The following DGKD variants were observed in gnomAD, a reference collection of about 807,000 sequenced individuals.
DGKD encodes DAG kinase delta.
DGKD carries 68 observed loss-of-function variants against 154.4 expected under a neutral mutation model. That is an observed-to-expected ratio of 0.44 (90% confidence interval 0.36 to 0.54). DGKD has a LOEUF of 0.54. Among genes scored for constraint, DGKD ranks in the 20% least tolerant of loss-of-function variants. The probability of loss-of-function intolerance (pLI) is 0.00; values close to 1 mark genes in which losing one functional copy is unlikely to be tolerated. For missense variants in DGKD, 1,343 were observed against 1,593.6 expected (o/e 0.84, Z 2.68); for synonymous variants, 693 against 638.0 (o/e 1.09, Z -1.30).
intron 28 of DGKD, 135 bp from the exon 29 acceptor site, chr2:233,468,287 TG>T: frequency 9.6e-7 from 1 of 1,044,086 alleles, no homozygotes; most frequent in Non-Finnish European, 1.4e-6. Context: ...TGGCTGCTGC[TG>T]GGCTGTCTCG....
chr2:233,394,227 T>G (rs1316779713), intron 3 of DGKD, among the ~76,000 whole-genome samples: 1 of 152,224 alleles, frequency 6.6e-6, no homozygotes, highest in Non-Finnish European at 1.5e-5. Flanking sequence ...TTAATAAAGA[T>G]TAATAAAGTA....
chr2:233,408,714 T>C (rs150936408), intron 3 of DGKD, among the ~76,000 whole-genome samples: 1 of 152,024 alleles, frequency 6.6e-6, no homozygotes, highest in East Asian at 1.9e-4. Flanking sequence ...CCGGGCAGAG[T>C]AGGTGCTCAG....
intron 26 of DGKD, among the ~76,000 whole-genome samples, chr2:233,462,936 C>T (rs943777998): frequency 2.0e-5 from 3 of 152,210 alleles, no homozygotes; most frequent in African/African-American, 4.8e-5. Flanking sequence ...CTCAAGCATG[C>T]GAGAAGCGCT....
intron 1 of DGKD, among the ~76,000 whole-genome samples, chr2:233,369,559 G>C (rs555854426): frequency 1.3e-5 from 2 of 152,184 alleles, no homozygotes; most frequent in South Asian, 4.1e-4. Context: ...GTTTGTGCAT[G>C]TACTTTATGG....
At chr2:233,407,929 G>A (rs527575187) in intron 3 of DGKD, among the ~76,000 whole-genome samples, 19 of 152,212 alleles carry the variant, frequency 1.2e-4, no homozygotes, top group African/African-American at 3.6e-4. Context: ...GTGAGGAACC[G>A]TGATCTTTAT....
chr2:233,457,089 G>A lies in DGKD; in HGVS notation c.2472+94G>A. ...TTCTCCTGTTGACCATTTCCTCCAT[G>A]CACAGGGACTTGCCTGGGGATGCCC... is the stretch of plus-strand genomic sequence containing the variant. On this transcript the variant is annotated intron_variant, in intron 20 of 29. Transcript: ENST00000264057. The surrounding 1 kb of genome is among the most constrained non-coding windows in gnomAD (Gnocchi z 5.5). The A allele has an allele frequency of 7.5e-7, 1 of 1,338,650 alleles. No individual in the cohort carries two copies. The allele number at this position is 1,338,650 out of a possible 1,614,324, so 82.9% of individuals were successfully genotyped here.
At chr2:233,429,901 AT>A (rs1386665939) in intron 3 of DGKD, among the ~76,000 whole-genome samples, 1 of 152,198 alleles carries the variant, frequency 6.6e-6, no homozygotes, top group East Asian at 1.9e-4. Context: ...ACCCAGTTCC[AT>A]TTATCCCCTC....
At chr2:233,383,107 C>T (rs1251405417) in intron 1 of DGKD, among the ~76,000 whole-genome samples, 1 of 149,396 alleles carries the variant, frequency 6.7e-6, no homozygotes, top group Middle Eastern at 3.2e-3. Context: ...GTGGCATGAT[C>T]TCGGCCCACT....
At chr2:233,420,084 T>G (rs2062065484) in intron 3 of DGKD, among the ~76,000 whole-genome samples, 1 of 152,108 alleles carries the variant, frequency 6.6e-6, no homozygotes, top group Admixed American at 6.5e-5. Context: ...ATGAGACGCG[T>G]GGCAGTCGGC....
chr2:233,359,039 GTCAGTAACTGTTATTATC>G (rs1168896542), intron 1 of DGKD, among the ~76,000 whole-genome samples: 1 of 152,168 alleles, frequency 6.6e-6, no homozygotes, highest in Non-Finnish European at 1.5e-5. Flanking sequence ...CCACATCCTT[GTCAGTAACTGTTATTATC>G]TCTCTTTTGA....
intron 1 of DGKD, among the ~76,000 whole-genome samples, chr2:233,384,192 C>T (rs1703046620): frequency 6.6e-6 from 1 of 152,206 alleles, no homozygotes; most frequent in Non-Finnish European, 1.5e-5. Context: ...CATGTCCGCT[C>T]TGGCAGGTCC....
intron 3 of DGKD, among the ~76,000 whole-genome samples, chr2:233,423,279 G>C (rs367831742): frequency 2.6e-5 from 4 of 152,174 alleles, no homozygotes; most frequent in African/African-American, 9.7e-5. Context: ...GCTGAAGAGT[G>C]TAATTGCTGG....
At chr2:233,423,181 A>C (rs2125552179) in intron 3 of DGKD, among the ~76,000 whole-genome samples, 1 of 152,304 alleles carries the variant, frequency 6.6e-6, no homozygotes, top group East Asian at 1.9e-4. Flanking sequence ...AATAGTTTCC[A>C]GCTTTTGGTG....
At chr2:233,380,836 G>A (rs1284887307) in intron 1 of DGKD, among the ~76,000 whole-genome samples, 1 of 152,098 alleles carries the variant, frequency 6.6e-6, no homozygotes, top group East Asian at 1.9e-4. Flanking sequence ...GCTTTTTTGG[G>A]TTTGGTCCTT....
At chr2:233,405,828 T>C (rs2061673255) in intron 3 of DGKD, among the ~76,000 whole-genome samples, 1 of 152,258 alleles carries the variant, frequency 6.6e-6, no homozygotes, top group African/African-American at 2.4e-5. Flanking sequence ...TTATGTGTAA[T>C]AGCTATATAA....
chr2:233,373,069 C>T (rs1439514095), intron 1 of DGKD, among the ~76,000 whole-genome samples: 2 of 152,176 alleles, frequency 1.3e-5, no homozygotes, highest in African/African-American at 2.4e-5. Context: ...GCTCTGTGCG[C>T]GTGCTGTCCC....
chr2:233,457,703 G>T lies in DGKD; in HGVS notation c.2580+375G>T. The T allele has an allele frequency of 2.4e-6, 1 of 408,772 alleles. No homozygotes were observed. The highest frequency in any genetic ancestry group is 4.9e-6 in the Non-Finnish European group (1 of 204,350). The allele number at this position is 408,772 out of a possible 1,614,324, so 25.3% of individuals were successfully genotyped here. ...AGGCAGAGAGAATTGCACAGATGAA[G>T]GCTCAGAGTCAAGACAGGGCAGGCA... On this transcript the variant is annotated intron_variant, in intron 21 of 29. Coordinates refer to ENST00000264057, the MANE Select transcript of DGKD (RefSeq NM_152879.3). The surrounding 1 kb of genome is among the most constrained non-coding windows in gnomAD (Gnocchi z 5.5).
Position 233,434,545 on chromosome 2 carries a change from G to GCTGT in DGKD, c.453+65_453+68dup, listed in dbSNP as rs1294963745. 3.3e-6 allele frequency: 5 copies of GCTGT among 1,525,358 alleles called. No homozygotes were observed. In the South Asian group the frequency reaches 4.5e-5, roughly 14 times the overall value. 94.5% of individuals were successfully genotyped at this position (1,525,358 alleles called of 1,614,324 possible). ...TGTTGCCTCCCTCACCCCAGTGTCT[G>GCTGT]CTGTCTGAGTGTCTCCCACGTGCGG... On this transcript the variant is annotated intron_variant, in intron 4 of 29. Coordinates refer to ENST00000264057, the MANE Select transcript of DGKD (RefSeq NM_152879.3).
chr2:233,421,510 G>A (rs1305999702), intron 3 of DGKD, among the ~76,000 whole-genome samples: 5 of 152,212 alleles, frequency 3.3e-5, no homozygotes, highest in Admixed American at 6.5e-5. Context: ...TGGAGTAAAA[G>A]CCAAAGTTCT....
Sources: gnomAD v4.1 joint callset for allele counts (sites outside exome capture counted in the v4.1 genomes callset) on GRCh38, gnomAD v4.1.1 for gene constraint, Gnocchi (gnomAD v3.1) non-coding constraint, MANE v1.5 for transcripts, NCBI Gene and HGNC (gene_info 2026-07-23, HGNC 2026-07-21) for gene names.